PRRX1: variants seen among roughly 807,000 people sequenced by gnomAD.
PRRX1 encodes the protein paired mesoderm homeobox protein 1.
PRRX1 carries 8 observed loss-of-function variants against 24.0 expected under a neutral mutation model. The ratio of observed to expected loss-of-function variants is 0.33; its 90% CI spans 0.20 to 0.60. The LOEUF is 0.60. PRRX1 is among the 20% of genes least tolerant of loss of function. The pLI, the probability that PRRX1 is intolerant of heterozygous loss-of-function variation, is 0.82. For synonymous variants in PRRX1, 160 were observed against 131.7 expected, an observed-to-expected ratio of 1.22 and a Z score of -1.47; for missense variants, 281 against 322.4, an observed-to-expected ratio of 0.87 and a Z score of 0.98.
chr1:170,719,563 C>G (rs182697586), intron 1 of PRRX1, among the ~76,000 whole-genome samples, 163 bp from the exon 2 acceptor site: 1 of 152,320 alleles, frequency 6.6e-6, no homozygotes, highest in Non-Finnish European at 1.5e-5. Flanking sequence ...CTTGAGAGCG[C>G]TAATGGCCAC....
chr1:170,727,483 AAGGAG>A (rs1382149572), intron 3 of PRRX1: 1 of 152,204 alleles, frequency 6.6e-6, no homozygotes, highest in Non-Finnish European at 1.5e-5. Flanking sequence ...TTATTGGTTT[AAGGAG>A]AGGTTTTAAA....
chr1:170,736,037 T>G lies in PRRX1; in HGVS notation c.600-11T>G. 1.2e-6 allele frequency: 2 copies of G among 1,613,946 alleles called. No individual in the cohort carries two copies. The highest frequency in any genetic ancestry group is 2.2e-5 in the South Asian group (2 of 91,084). ...CTGTTATTCTCCCTGCTCTCTCCTT[T>G]GTCCCTACAGCGCCATGGCTACTTA... On this transcript the variant is annotated splice_polypyrimidine_tract_variant and intron_variant, in intron 3 of 3. Coordinates refer to ENST00000239461, the MANE Select transcript of PRRX1 (RefSeq NM_022716.4).
At chr1:170,688,002 A>C (rs1405011712) in intron 1 of PRRX1, among the ~76,000 whole-genome samples, 1 of 152,180 alleles carries the variant, frequency 6.6e-6, no homozygotes, top group East Asian at 1.9e-4. Flanking sequence ...CTAATCATCA[A>C]GAATATTTTG....
intron 1 of PRRX1, among the ~76,000 whole-genome samples, chr1:170,691,441 ATTTCCTTTCCTTTCCTTTCC>A (rs60341193): frequency 0.048 from 3,478 of 71,738 alleles, 93 homozygotes; most frequent in Non-Finnish European, 0.068. Context: ...CTTTCCTTCC[ATTTCCTTTCCTTTCCTTTCC>A]TTTCCTTTCC....
intron 1 of PRRX1, among the ~76,000 whole-genome samples, chr1:170,715,740 T>C (rs1654885543): frequency 6.6e-6 from 1 of 152,234 alleles, no homozygotes; most frequent in African/African-American, 2.4e-5. Flanking sequence ...TCAAAATGGC[T>C]TTCTAGATGA....
At chr1:170,674,644 C>T (rs887882584) in intron 1 of PRRX1, among the ~76,000 whole-genome samples, 2 of 152,000 alleles carry the variant, frequency 1.3e-5, no homozygotes, top group African/African-American at 4.8e-5. Flanking sequence ...GTGTACAACA[C>T]CGCTGCAGTA....
At position 170,680,766 on chromosome 1, in the gene PRRX1, C is replaced by A. The variant is rs147027081; in HGVS notation, c.241+16307C>A. 1.1e-3 allele frequency among the ~76,000 whole-genome samples: 165 copies of A among 152,234 alleles called. 2 individuals are homozygous for A. The South Asian group carries it at 0.017, about 16-fold the overall frequency. ...TGCATCACCTTCTCAATGAGTTTTC[C>A]TTTTGGAGGAACAGTTACCAAAGAC... is the stretch of plus-strand genomic sequence containing the variant. On this transcript the variant is annotated intron_variant, in intron 1 of 3. Coordinates refer to ENST00000239461, the MANE Select transcript of PRRX1 (RefSeq NM_022716.4).
Position 170,726,349 on chromosome 1 carries a change from C to T in PRRX1, c.547C>T (p.Pro183Ser). Residue 183 changes from proline (P) to serine (S), a missense_variant, in exon 3 of 4, where the codon CCT becomes TCT. Coordinates refer to ENST00000239461, the MANE Select transcript of PRRX1 (RefSeq NM_022716.4). ...TAVEQPIVPR[P>S]APRPTDYLSW... ...TGTGGAGCAGCCCATCGTACCTCGTCCTGCTCCGAGACCCACCGATTATCT... is the reference window on the plus strand; with the variant it reads ...TGTGGAGCAGCCCATCGTACCTCGTTCTGCTCCGAGACCCACCGATTATCT... 2 of 1,614,114 alleles carry T rather than the reference C, an allele frequency of 1.2e-6. No individual in the cohort carries two copies. The highest frequency in any genetic ancestry group is 1.1e-5 in the South Asian group (1 of 91,072).
At chr1:170,692,466 G>T (rs1418625121) in intron 1 of PRRX1, among the ~76,000 whole-genome samples, 2 of 151,456 alleles carry the variant, frequency 1.3e-5, no homozygotes, top group African/African-American at 2.4e-5. Flanking sequence ...GTAGTTAAGG[G>T]ATCACCTTAC....
intron 1 of PRRX1, among the ~76,000 whole-genome samples, chr1:170,705,334 T>G (rs1463327307): frequency 6.6e-6 from 1 of 152,172 alleles, no homozygotes; most frequent in Non-Finnish European, 1.5e-5. Context: ...CAGGCTGGAG[T>G]GCAGTGGCAC....
chr1:170,680,375 CAG>C (rs1350838220), intron 1 of PRRX1, among the ~76,000 whole-genome samples: 1 of 152,086 alleles, frequency 6.6e-6, no homozygotes, highest in Non-Finnish European at 1.5e-5. Flanking sequence ...GGGCAGAAAA[CAG>C]AGGTGAAAGG....
At chr1:170,665,718 C>T (rs748482507) in intron 1 of PRRX1, among the ~76,000 whole-genome samples, 16 of 152,268 alleles carry the variant, frequency 1.1e-4, no homozygotes, top group Non-Finnish European at 2.2e-4. Context: ...CCGCGGGCCA[C>T]GCTACAGCAA....
chr1:170,707,622 C>G (rs1012884088), intron 1 of PRRX1, among the ~76,000 whole-genome samples: 4 of 152,082 alleles, frequency 2.6e-5, no homozygotes, highest in African/African-American at 9.7e-5. Context: ...TCCTAGGATG[C>G]TTTATTTTAA....
intron 1 of PRRX1, chr1:170,667,744 T>C (rs1276790661): frequency 6.6e-6 from 1 of 152,196 alleles, no homozygotes; most frequent in Non-Finnish European, 1.5e-5. Flanking sequence ...AACGATTGTC[T>C]CCTGCGGAGA....
rs1311654382 is a variant in PRRX1, at chr1:170,738,831, T to C, written c.*2645T>C. 2.6e-5 allele frequency: 6 copies of C among 228,692 alleles called. No homozygotes were observed. Among genetic ancestry groups the C allele is most frequent in the South Asian group, 1.8e-4 (1 of 5,494 alleles). 14.2% of individuals were successfully genotyped at this position (228,692 alleles called of 1,614,324 possible). On this transcript the variant is annotated 3_prime_UTR_variant, in exon 4 of 4. Transcript: ENST00000239461. ...CCATAAACCCAAATGATAGGTGAAGTTGGGTGGTTTTATCCAATGTCTCAA... is the reference window on the plus strand; with the variant it reads ...CCATAAACCCAAATGATAGGTGAAGCTGGGTGGTTTTATCCAATGTCTCAA...
At chr1:170,698,972 G>A (rs1275059550) in intron 1 of PRRX1, among the ~76,000 whole-genome samples, 1 of 152,202 alleles carries the variant, frequency 6.6e-6, no homozygotes, top group Non-Finnish European at 1.5e-5. Context: ...TGTGTGCAGT[G>A]TTGATGGTCT....
intron 1 of PRRX1, among the ~76,000 whole-genome samples, chr1:170,701,010 G>T (rs1654339465): frequency 6.6e-6 from 1 of 152,208 alleles, no homozygotes; most frequent in South Asian, 2.1e-4. Flanking sequence ...CTGTTATGAG[G>T]AATAAATGAG....
chr1:170,678,173 C>A (rs3021340), intron 1 of PRRX1, among the ~76,000 whole-genome samples: 152,364 of 152,364 alleles, frequency 1, 76,182 homozygotes, highest in Non-Finnish European at 1. Flanking sequence ...GAGTAAGATA[C>A]ACATTCTGTC....
In PRRX1 at chr1:170,738,374, C is replaced by T; in HGVS notation, c.*2188C>T. 4.4e-6 allele frequency: 1 copy of T among 225,642 alleles called. No individual in the cohort carries two copies. The highest frequency in any genetic ancestry group is 8.8e-6 in the Non-Finnish European group (1 of 113,436). The allele number at this position is 225,642 out of a possible 1,614,324, so 14.0% of individuals were successfully genotyped here. On this transcript the variant is annotated 3_prime_UTR_variant, in exon 4 of 4. Coordinates refer to ENST00000239461, the MANE Select transcript of PRRX1 (RefSeq NM_022716.4). Reference sequence around the variant, plus strand: ...TGTAGTTCTTTAAATAATAATGAAGCTCATCTTATACATTTTGCTTTCACC... The same window carrying T: ...TGTAGTTCTTTAAATAATAATGAAGTTCATCTTATACATTTTGCTTTCACC...
Sources: allele counts gnomAD v4.1 joint callset (sites outside exome capture counted in the v4.1 genomes callset), GRCh38; gene constraint gnomAD v4.1.1; transcripts MANE v1.5; gene names NCBI Gene and HGNC (gene_info 2026-07-23, HGNC 2026-07-21).